Variants in DMTF1 observed in about 807,000 individuals in gnomAD.
DMTF1 encodes cyclin D binding myb like transcription factor 1.
A neutral mutation model predicts 91.1 loss-of-function variants in DMTF1; 39 were observed. That is an observed-to-expected ratio of 0.43 (90% confidence interval 0.33 to 0.56). The LOEUF is 0.56. DMTF1 is among the 20% of genes least tolerant of loss of function. The pLI is 0.05. For synonymous variants in DMTF1, 338 were observed against 309.5 expected (o/e 1.09, Z -0.97); for missense variants, 750 against 914.5 (o/e 0.82, Z 2.32).
At chr7:87,173,935 A>G (rs1484999205) in intron 6 of DMTF1, among the ~76,000 whole-genome samples, 1 of 152,202 alleles carries the variant, frequency 6.6e-6, no homozygotes, top group Admixed American at 6.5e-5. Context: ...CAATATAGTT[A>G]TTGCTTATGA....
At chr7:87,162,248 T>A (rs949435503) in intron 1 of DMTF1, among the ~76,000 whole-genome samples, 4 of 151,956 alleles carry the variant, frequency 2.6e-5, no homozygotes, top group Admixed American at 1.3e-4. Context: ...TAATTTTTTA[T>A]TTTTTTTCTG....
At chr7:87,194,267 G>A in intron 16 of DMTF1, 165 bp downstream of exon 16, 2 of 706,622 alleles carry the variant, frequency 2.8e-6, no homozygotes, top group Non-Finnish European at 2.2e-6. Context: ...TGATCCTGTG[G>A]CAGTCAGGAA....
At chr7:87,167,163 A>T (rs543365388) in intron 4 of DMTF1, among the ~76,000 whole-genome samples, 1 of 152,226 alleles carries the variant, frequency 6.6e-6, no homozygotes, top group South Asian at 2.1e-4. Flanking sequence ...CTTAACCCCA[A>T]TGCCATATTG....
At chr7:87,161,208 G>A (rs1299838714) in intron 1 of DMTF1, among the ~76,000 whole-genome samples, 4 of 151,980 alleles carry the variant, frequency 2.6e-5, no homozygotes, top group Non-Finnish European at 5.9e-5. Flanking sequence ...ACATATTTAG[G>A]ATGACGGGAC....
chr7:87,172,552 A>G (rs893601666), intron 5 of DMTF1, among the ~76,000 whole-genome samples: 1 of 152,190 alleles, frequency 6.6e-6, no homozygotes, highest in Non-Finnish European at 1.5e-5. Context: ...ATTTCTCTTT[A>G]TATTAGAAGT....
chr7:87,166,729 C>G (rs1376130286), intron 4 of DMTF1, 124 bp downstream of exon 4: 1 of 926,050 alleles, frequency 1.1e-6, no homozygotes, highest in Middle Eastern at 2.2e-4. Flanking sequence ...TTAGTCAAAC[C>G]ACCTCTTTTT....
At chr7:87,164,910 G>A in intron 2 of DMTF1, 24 bp from the exon 3 acceptor site, 1 of 1,431,724 alleles carries the variant, frequency 7.0e-7, no homozygotes, top group Non-Finnish European at 9.6e-7. Context: ...TTGAAATCCT[G>A]ATCTGGAATC....
intron 5 of DMTF1, among the ~76,000 whole-genome samples, chr7:87,173,318 A>G (rs1350479446): frequency 2.6e-5 from 4 of 152,188 alleles, no homozygotes; most frequent in Admixed American, 2.0e-4. Flanking sequence ...TAATGCATAT[A>G]ATTTTGTTTT....
At chr7:87,180,856 CTTTTTTTT>C (rs397889347) in intron 8 of DMTF1, among the ~76,000 whole-genome samples, 1 of 127,698 alleles carries the variant, frequency 7.8e-6, no homozygotes, top group Admixed American at 7.9e-5. Context: ...TTATTTTCAA[CTTTTTTTT>C]TTTTTTTTTT....
chr7:87,189,019 C>T (rs942050573), intron 13 of DMTF1, among the ~76,000 whole-genome samples: 2 of 152,104 alleles, frequency 1.3e-5, no homozygotes, highest in African/African-American at 4.8e-5. Context: ...AAGAGTATTC[C>T]AATCACTATG....
chr7:87,177,625 T>C (rs777906090), intron 7 of DMTF1, among the ~76,000 whole-genome samples: 5 of 152,172 alleles, frequency 3.3e-5, no homozygotes, highest in South Asian at 2.1e-4. Flanking sequence ...CTTTTTTGTT[T>C]GTTTGTTTTG....
In DMTF1 at chr7:87,181,324, A is replaced by G; in HGVS notation, c.693A>G (p.Glu231=). ...RNHVGKYTPE[E]IEKLKELRIK... is the part of the protein sequence containing the mutation. Reference sequence around the variant, plus strand: ...GAATTTCTAGATATACACCTGAAGAAATTGAGAAGCTCAAGGAGTAAGTTT... The same window carrying G: ...GAATTTCTAGATATACACCTGAAGAGATTGAGAAGCTCAAGGAGTAAGTTT... Residue 231 remains glutamate (E), a synonymous_variant, in exon 9 of 18, where the codon GAA becomes GAG. Transcript: ENST00000331242. 3.9e-6 allele frequency: 5 copies of G among 1,288,752 alleles called. No homozygotes were observed. In the South Asian group the frequency reaches 6.3e-5, roughly 16 times the overall value. The allele number at this position is 1,288,752 out of a possible 1,614,324, so 79.8% of individuals were successfully genotyped here.
chr7:87,194,015 TA>T lies in DMTF1; in HGVS notation c.1942del (p.Met648TrpfsTer22), dbSNP rs762764196. ...QNSTELMNSV[M>X]VRTEEEISDT... ...ATAGCACAGAACTGATGAATAGTGT[TA>T]TGGTCAGAACAGAAGAAGAAATCTC... On this transcript the variant is annotated frameshift_variant, in exon 16 of 18. Transcript: ENST00000331242. LOFTEE classifies it high-confidence loss of function. The T allele has an allele frequency of 1.2e-6, 2 of 1,613,300 alleles. No homozygotes were observed. Among genetic ancestry groups the T allele is most frequent in the Non-Finnish European group, 8.5e-7 (1 of 1,179,568 alleles).
chr7:87,195,027 ACAGATCCCATACTCCAAC>A lies in DMTF1; in HGVS notation c.2174-3_2188del. On this transcript the variant is annotated splice_acceptor_variant and splice_polypyrimidine_tract_variant and coding_sequence_variant and intron_variant, in exon 18 of 18. Transcript: ENST00000331242. LOFTEE classifies it high-confidence loss of function. ...ATTTAAGACTAACTTGAAACTCATT[ACAGATCCCATACTCCAAC>A]ATCATCAGGAAGAATCAAATATCAT... 6.2e-7 allele frequency: 1 copy of A among 1,605,328 alleles called. No homozygotes were observed. Among genetic ancestry groups the A allele is most frequent in the Non-Finnish European group, 8.5e-7 (1 of 1,173,682 alleles).
intron 2 of DMTF1, among the ~76,000 whole-genome samples, chr7:87,164,691 ATGT>A (rs999324178): frequency 3.3e-5 from 5 of 152,214 alleles, no homozygotes; most frequent in African/African-American, 9.6e-5. Flanking sequence ...AGTATTACAA[ATGT>A]TGTAGGTTTT....
rs1016793461 is a variant in DMTF1, at chr7:87,188,374, G to C, written c.1411+73G>C. The C allele has an allele frequency of 2.0e-6, 3 of 1,504,322 alleles. No individual in the cohort carries two copies. In the African/African-American group the frequency reaches 4.2e-5, roughly 21 times the overall value. 93.2% of individuals were successfully genotyped at this position (1,504,322 alleles called of 1,614,324 possible). A position where few individuals can be genotyped will look rare whatever the true frequency, so the allele number is the denominator to read the frequency against. Reference sequence around the variant, plus strand: ...TGGTTAATGGCTCTGATGTCTTTTGGTTTTCTAGAATGTTAATAGAAATTT... The same window carrying C: ...TGGTTAATGGCTCTGATGTCTTTTGCTTTTCTAGAATGTTAATAGAAATTT... On this transcript the variant is annotated intron_variant, in intron 13 of 17. Transcript: ENST00000331242.
At position 87,179,651 on chromosome 7, in the gene DMTF1, C is replaced by T; in HGVS notation, c.626C>T (p.Ala209Val). Residue 209 changes from alanine to valine, a missense_variant, in exon 8 of 18, where the codon GCA (alanine) becomes GTA (valine). Transcript: ENST00000331242. ...IAWGLNRPLF[A>V]VYRRVLRMYD... Reference sequence around the variant, plus strand: ...TGGGGTCTGAACCGGCCTTTGTTTGCAGTTTATAGAAGAGTGCTTCGCATG... The same window carrying T: ...TGGGGTCTGAACCGGCCTTTGTTTGTAGTTTATAGAAGAGTGCTTCGCATG... The T allele has an allele frequency of 6.3e-7, 1 of 1,582,460 alleles. No homozygotes were observed. Among genetic ancestry groups the T allele is most frequent in the Admixed American group, 1.9e-5 (1 of 52,982 alleles).
rs762793132 is a variant in DMTF1, at chr7:87,174,599, A to G, written c.449A>G (p.Lys150Arg). 9.3e-6 allele frequency: 15 copies of G among 1,605,456 alleles called. No homozygotes were observed. The highest frequency in any genetic ancestry group is 1.2e-5 in the Non-Finnish European group (14 of 1,174,430). The part of the protein sequence containing the change: ...DKDSLTNKGH[K>R]WKQGMWSKEE... ...TACTTGTTTTCTTTTAAAGGACATAAATGGAAGCAGGGGATGTGGTCCAAG... is the reference window on the plus strand; with the variant it reads ...TACTTGTTTTCTTTTAAAGGACATAGATGGAAGCAGGGGATGTGGTCCAAG... Residue 150 changes from lysine (K) to arginine (R), a missense_variant, in exon 7 of 18, where the codon AAA becomes AGA. Lys to Arg is a conservative substitution (Grantham distance 26). Coordinates refer to ENST00000331242, the MANE Select transcript of DMTF1 (RefSeq NM_001142327.2).
At chr7:87,166,886 T>G (rs765762673) in intron 4 of DMTF1, among the ~76,000 whole-genome samples, 13 of 152,106 alleles carry the variant, frequency 8.5e-5, no homozygotes, top group Non-Finnish European at 1.6e-4. Flanking sequence ...TTCATGAAAA[T>G]TACAAAATGT....
Sources: gnomAD v4.1 joint callset for allele counts (sites outside exome capture counted in the v4.1 genomes callset) on GRCh38, gnomAD v4.1.1 for gene constraint, MANE v1.5 for transcripts, NCBI Gene and HGNC (gene_info 2026-07-23, HGNC 2026-07-21) for gene names.